The following ZNF267 variants were observed in gnomAD, a reference collection of about 807,000 sequenced individuals.
ZNF267 encodes the protein zinc finger (C2H2).
In ZNF267, 61 loss-of-function variants were observed where a neutral mutation model predicts 71.6. That is an observed-to-expected ratio of 0.85 (90% CI 0.69 to 1.05). The LOEUF is 1.05. ZNF267 is among the 50% of genes least tolerant of loss of function. The pLI, the probability that ZNF267 is intolerant of heterozygous loss-of-function variation, is 0.00. For synonymous variants in ZNF267, 288 were observed against 293.2 expected, an observed-to-expected ratio of 0.98 and a Z score of 0.18; for missense variants, 852 against 870.0, an observed-to-expected ratio of 0.98 and a Z score of 0.26.
intron 2 of ZNF267, among the ~76,000 whole-genome samples, 168 bp downstream of exon 2, chr16:31,884,792 A>T (rs575980794): frequency 6.6e-6 from 1 of 152,180 alleles, no homozygotes; most frequent in East Asian, 1.9e-4. Context: ...TTTGATTTTG[A>T]CATTCGCCTT....
chr16:31,907,993 A>C (rs1456143102), intron 3 of ZNF267, among the ~76,000 whole-genome samples: 1 of 152,002 alleles, frequency 6.6e-6, no homozygotes, highest in East Asian at 1.9e-4. Context: ...CAGTGAACCA[A>C]GATAGCGCCA....
chr16:31,881,812 G>A lies in ZNF267; in HGVS notation c.4-2686G>A, dbSNP rs182002320. Among the ~76,000 whole-genome samples, 9 of 151,802 alleles carry A rather than the reference G, an allele frequency of 5.9e-5. No homozygotes were observed. In the East Asian group the frequency reaches 1.4e-3, roughly 23 times the overall value. On this transcript the variant is annotated intron_variant, in intron 1 of 3. Transcript: ENST00000300870. ...CTCCCGAGTAGCTGGGATTATAGGT[G>A]TGCCACCATGCACAGCTGATTTTTG...
chr16:31,904,066 GGTT>G (rs1302399591), intron 3 of ZNF267, among the ~76,000 whole-genome samples: 6 of 152,234 alleles, frequency 3.9e-5, no homozygotes. Flanking sequence ...TTCAGGAGCA[GGTT>G]GTTCAGTTTC....
intron 1 of ZNF267, among the ~76,000 whole-genome samples, chr16:31,884,204 C>G (rs1036834508): frequency 6.6e-5 from 10 of 152,152 alleles, no homozygotes; most frequent in Non-Finnish European, 1.2e-4. Flanking sequence ...TTATACACAG[C>G]TGATTCTGGA....
In ZNF267 at chr16:31,914,959, A is replaced by T. The variant is rs1261390553; in HGVS notation, c.710A>T (p.Asn237Ile). The T allele has an allele frequency of 1.9e-6, 3 of 1,609,616 alleles. No individual in the cohort carries two copies. The East Asian group carries it at 6.7e-5, about 36-fold the overall frequency. The change falls in exon 4 of 4, where the codon AAT becomes ATT. Residue 237 changes from asparagine (N) to isoleucine (I), a missense_variant. By Grantham distance (149) the Asn-to-Ile change is moderately radical. Coordinates refer to ENST00000300870, the MANE Select transcript of ZNF267 (RefSeq NM_003414.6). The stretch of plus-strand genomic sequence containing the variant: ...TCAAGCCCTAAAAATCATCAGGAAA[A>T]TTATTTTCTAGAAAAACAATACAAA... Reference protein sequence around the residue: ...QSSSPKNHQENYFLEKQYKCK... With the variant: ...QSSSPKNHQEIYFLEKQYKCK...
intron 1 of ZNF267, among the ~76,000 whole-genome samples, chr16:31,877,201 ACT>A (rs1005131787): frequency 4.0e-5 from 6 of 151,542 alleles, no homozygotes; most frequent in African/African-American, 1.5e-4. Context: ...CAAATCTACC[ACT>A]GTGTTCCCCC....
intron 3 of ZNF267, among the ~76,000 whole-genome samples, chr16:31,908,233 A>C (rs2084107683): frequency 6.6e-6 from 1 of 152,028 alleles, no homozygotes; most frequent in Non-Finnish European, 1.5e-5. Context: ...TCTTGTGCCC[A>C]TTTTTGATTG....
rs1215251773 is a variant in ZNF267, at chr16:31,915,031, A to G, written c.782A>G (p.Glu261Gly). 4 of 1,611,006 alleles carry G rather than the reference A, an allele frequency of 2.5e-6. No individual in the cohort carries two copies. The highest frequency in any genetic ancestry group is 1.3e-5 in the African/African-American group (1 of 74,744). Residue 261 changes from glutamate to glycine, a missense_variant, in exon 4 of 4, where the codon GAG becomes GGG. By Grantham distance (98) the Glu-to-Gly change is moderately conservative (BLOSUM62 -2). Coordinates refer to ENST00000300870, the MANE Select transcript of ZNF267 (RefSeq NM_003414.6). ...EVFLQSMHGQ[E>G]KQEQSYKCNK... ...TTTCTTCAGAGTATGCATGGGCAAG[A>G]GAAACAAGAACAGTCTTACAAATGT...
intron 1 of ZNF267, among the ~76,000 whole-genome samples, chr16:31,874,642 G>C (rs2083838918): frequency 6.6e-6 from 1 of 152,152 alleles, no homozygotes; most frequent in Admixed American, 6.5e-5. Context: ...ATTTGAGTTT[G>C]GTTTTGGTTT....
chr16:31,907,810 G>A (rs2084103441), intron 3 of ZNF267, among the ~76,000 whole-genome samples: 1 of 151,958 alleles, frequency 6.6e-6, no homozygotes, highest in Admixed American at 6.6e-5. Context: ...GCCGAGGCGG[G>A]TGGATCACGA....
intron 2 of ZNF267, 48 bp from the exon 3 acceptor site, chr16:31,885,108 AAAAAT>A (rs1290700849): frequency 1.2e-5 from 18 of 1,454,390 alleles, no homozygotes; most frequent in Non-Finnish European, 1.6e-5. Flanking sequence ...TATAAAAATA[AAAAAT>A]AAAAAGAACC....
At chr16:31,874,090 C>A in intron 1 of ZNF267, 121 bp downstream of exon 1, 2 of 1,151,178 alleles carry the variant, frequency 1.7e-6, no homozygotes, top group Admixed American at 2.2e-5. Flanking sequence ...GGCCCCGAGT[C>A]CCAACTGGTG....
chr16:31,886,985 G>GT (rs2083928493), intron 3 of ZNF267, among the ~76,000 whole-genome samples: 1 of 152,100 alleles, frequency 6.6e-6, no homozygotes, highest in Non-Finnish European at 1.5e-5. Flanking sequence ...CACTGACAGT[G>GT]TACAAGGGTT....
At chr16:31,903,044 T>A (rs1335730188) in intron 3 of ZNF267, among the ~76,000 whole-genome samples, 3 of 152,240 alleles carry the variant, frequency 2.0e-5, no homozygotes, top group Non-Finnish European at 4.4e-5. Flanking sequence ...ATTGAGATAA[T>A]CATGTGGTTT....
chr16:31,895,472 G>A (rs965877189), intron 3 of ZNF267, among the ~76,000 whole-genome samples: 11 of 152,116 alleles, frequency 7.2e-5, no homozygotes, highest in African/African-American at 2.4e-4. Context: ...TTTCTTTGGG[G>A]ATATATACCC....
chr16:31,898,450 A>T (rs1290070616), intron 3 of ZNF267, among the ~76,000 whole-genome samples: 3 of 152,044 alleles, frequency 2.0e-5, no homozygotes, highest in Non-Finnish European at 4.4e-5. Context: ...CAAAGTAATT[A>T]CTGAAAGGGA....
intron 3 of ZNF267, among the ~76,000 whole-genome samples, chr16:31,901,562 T>G (rs1352530517): frequency 6.6e-6 from 1 of 152,200 alleles, no homozygotes; most frequent in Non-Finnish European, 1.5e-5. Context: ...TGATGAGCAT[T>G]TTTTCATGTG....
In ZNF267 at chr16:31,915,394, G is replaced by A; in HGVS notation, c.1145G>A (p.Cys382Tyr). The A allele has an allele frequency of 6.2e-7, 1 of 1,613,602 alleles. No homozygotes were observed. The highest frequency in any genetic ancestry group is 8.5e-7 in the Non-Finnish European group (1 of 1,179,836). Residue 382 changes from cysteine (C) to tyrosine (Y), a missense_variant, in exon 4 of 4, where the codon TGT (cysteine) becomes TAT (tyrosine). Cys to Tyr is a radical substitution (Grantham distance 194, BLOSUM62 -2). Transcript: ENST00000300870. ...QIDTGENLYK[C>Y]KACSKSFTRS... ...GATACTGGAGAAAACCTTTACAAATGTAAAGCATGTAGCAAATCTTTTACT... is the reference window on the plus strand; with the variant it reads ...GATACTGGAGAAAACCTTTACAAATATAAAGCATGTAGCAAATCTTTTACT...
At chr16:31,896,447 G>T (rs1195542312) in intron 3 of ZNF267, among the ~76,000 whole-genome samples, 1 of 152,154 alleles carries the variant, frequency 6.6e-6, no homozygotes, top group Non-Finnish European at 1.5e-5. Context: ...AGTTTGACTT[G>T]ATTTTTTTGG....
Sources: allele counts gnomAD v4.1 joint callset (sites outside exome capture counted in the v4.1 genomes callset), GRCh38; gene constraint gnomAD v4.1.1; transcripts MANE v1.5; gene names NCBI Gene and HGNC (gene_info 2026-07-23, HGNC 2026-07-21).